AGTPBP1: variants seen among roughly 807,000 people sequenced by gnomAD.
AGTPBP1 encodes cytosolic carboxypeptidase 1.
In AGTPBP1, 70 loss-of-function variants were observed where a neutral mutation model predicts 143.9. The observed-to-expected ratio is 0.49, with a 90% CI of 0.40 to 0.59. The LOEUF is 0.59. Among genes scored for constraint, AGTPBP1 ranks in the 20% least tolerant of loss-of-function variants. The pLI is 0.00. For synonymous variants in AGTPBP1, 463 were observed against 500.2 expected (o/e 0.93, Z 0.99); for missense variants, 1,229 against 1,464.5 (o/e 0.84, Z 2.62).
At chr9:85,586,706 T>C in intron 22 of AGTPBP1, 125 bp downstream of exon 22, 1 of 1,188,278 alleles carries the variant, frequency 8.4e-7, no homozygotes, top group Non-Finnish European at 1.2e-6. Flanking sequence ...CATTCAACCT[T>C]ATAAAATTAA....
At position 85,741,924 on chromosome 9, in the gene AGTPBP1, T is replaced by A. The variant is rs1382610565; in HGVS notation, c.-183A>T. On this transcript the variant is annotated 5_prime_UTR_variant, in exon 1 of 26. Coordinates refer to ENST00000357081, the MANE Select transcript of AGTPBP1 (RefSeq NM_001330701.2). ...AGGCGGAGGCGGCGGCGGCGGCAGC[T>A]GCGGCGGCGGCGCTGGAGGCGGCGG... The A allele has an allele frequency of 7.6e-7, 1 of 1,311,442 alleles. No homozygotes were observed. The highest frequency in any genetic ancestry group is 9.7e-7 in the Non-Finnish European group (1 of 1,033,080). 81.2% of individuals were successfully genotyped at this position (1,311,442 alleles called of 1,614,324 possible).
intron 25 of AGTPBP1, among the ~76,000 whole-genome samples, chr9:85,569,358 G>A (rs1226329321): frequency 6.6e-6 from 1 of 151,704 alleles, no homozygotes; most frequent in Non-Finnish European, 1.5e-5. Flanking sequence ...GTTTCCAAGA[G>A]CAAGAAAAAG....
rs535468275 is a variant in AGTPBP1, at chr9:85,597,609, T to C, written c.2336-1160A>G. Among the ~76,000 whole-genome samples, 3 of 152,248 alleles carry C rather than the reference T, an allele frequency of 2.0e-5. No homozygotes were observed. The South Asian group carries it at 6.2e-4, about 32-fold the overall frequency. Reference sequence around the variant, plus strand: ...ACTGCTCTAACGTTTTTTACATGTATTAAGTAATTAAATCCTTACAACCAC... The same window carrying C: ...ACTGCTCTAACGTTTTTTACATGTACTAAGTAATTAAATCCTTACAACCAC... On this transcript the variant is annotated intron_variant, in intron 17 of 25. Coordinates refer to ENST00000357081, the MANE Select transcript of AGTPBP1 (RefSeq NM_001330701.2).
At position 85,655,157 on chromosome 9, in the gene AGTPBP1, C is replaced by T; in HGVS notation, c.1073G>A (p.Ser358Asn). The T allele has an allele frequency of 3.1e-6, 5 of 1,612,882 alleles. No individual in the cohort carries two copies. The highest frequency in any genetic ancestry group is 3.4e-6 in the Non-Finnish European group (4 of 1,179,350). Reference protein sequence around the residue: ...PVTGPVAQLYSLPPEVDDVVD... With the variant: ...PVTGPVAQLYNLPPEVDDVVD... ...TGTGATCCTACCTTCAGGAGGTAAG[C>T]TGTAGAGCTGAGCCACAGGACCAGT... Residue 358 changes from serine to asparagine, a missense_variant, in exon 11 of 26, where the codon AGC (serine) becomes AAC (asparagine). By Grantham distance (46) the Ser-to-Asn change is conservative (BLOSUM62 1). This residue lies in a region of AGTPBP1 where 743 missense variants were observed against 812.2 expected (regional missense o/e 0.91). Transcript: ENST00000357081.
At chr9:85,584,676 G>GA (rs1436938527) in intron 23 of AGTPBP1, among the ~76,000 whole-genome samples, 8 of 151,656 alleles carry the variant, frequency 5.3e-5, no homozygotes, top group Admixed American at 3.9e-4. Flanking sequence ...AATTTTTTCT[G>GA]AAAAAAAATC....
In AGTPBP1 at chr9:85,633,120, A is replaced by G; in HGVS notation, c.1557T>C (p.Thr519=). Residue 519 remains threonine, a synonymous_variant, in exon 14 of 26, where the codon ACT becomes ACC. Transcript: ENST00000357081. ...TGTTTAAACCATGGACTGATGAAAT[A>G]GTTCTATTTTGATCACCTGGCTGCT... is the stretch of plus-strand genomic sequence containing the variant. ...LQQQPGDQNR[T]ISSVHGLNND... is the part of the protein sequence containing the mutation. 6.2e-7 allele frequency: 1 copy of G among 1,614,130 alleles called. No individual in the cohort carries two copies. Among genetic ancestry groups the G allele is most frequent in the Non-Finnish European group, 8.5e-7 (1 of 1,180,000 alleles).
intron 8 of AGTPBP1, among the ~76,000 whole-genome samples, chr9:85,664,172 A>C (rs1372054718): frequency 6.6e-6 from 1 of 152,140 alleles, no homozygotes; most frequent in Non-Finnish European, 1.5e-5. Flanking sequence ...CAAAGGGGAG[A>C]AGCAAGGGAA....
chr9:85,656,312 A>C (rs898652569), intron 10 of AGTPBP1, among the ~76,000 whole-genome samples: 7 of 152,342 alleles, frequency 4.6e-5, no homozygotes, highest in African/African-American at 1.7e-4. Context: ...TGTCAAAACA[A>C]ATGAGAAATT....
In AGTPBP1 at chr9:85,621,239, T is replaced by C; in HGVS notation, c.2062A>G (p.Ile688Val). ...DIERLIHQSD[I>V]IDRVVYDLDN... is the part of the protein sequence containing the mutation. ...AAGTCATATACCACACGATCTATGA[T>C]ATCACTCTGATGTATTAGCCTTTCA... The change falls in exon 15 of 26, where the codon ATC (isoleucine) becomes GTC (valine). Residue 688 changes from isoleucine to valine, a missense_variant. Transcript: ENST00000357081. 7 of 1,471,330 alleles carry C rather than the reference T, an allele frequency of 4.8e-6. No individual in the cohort carries two copies. Among genetic ancestry groups the C allele is most frequent in the Non-Finnish European group, 6.3e-6 (7 of 1,117,788 alleles). The allele number at this position is 1,471,330 out of a possible 1,614,324, so 91.1% of individuals were successfully genotyped here.
chr9:85,691,098 T>G (rs557264890), intron 3 of AGTPBP1, among the ~76,000 whole-genome samples: 2 of 152,218 alleles, frequency 1.3e-5, no homozygotes, highest in Non-Finnish European at 2.9e-5. Flanking sequence ...TGAATATACC[T>G]GGCACATTTA....
chr9:85,565,487 T>G (rs941478718), intron 25 of AGTPBP1, among the ~76,000 whole-genome samples: 9 of 152,144 alleles, frequency 5.9e-5, no homozygotes, highest in Admixed American at 5.2e-4. Flanking sequence ...TACCTCAGTT[T>G]CACATTACGA....
the AGTPBP1 span, among the ~76,000 whole-genome samples, chr9:85,784,871 CTT>C: frequency 1.3e-5 from 2 of 152,180 alleles, no homozygotes; most frequent in African/African-American, 4.8e-5. Flanking sequence ...ACTGTTAACT[CTT>C]ATAGTTTTTC....
intron 14 of AGTPBP1, among the ~76,000 whole-genome samples, chr9:85,623,223 A>G (rs577699411): frequency 6.6e-6 from 1 of 152,246 alleles, no homozygotes; most frequent in East Asian, 1.9e-4. Flanking sequence ...AAGAAACACC[A>G]GAAACTTGGA....
At chr9:85,644,897 G>A (rs879651623) in intron 12 of AGTPBP1, among the ~76,000 whole-genome samples, 2 of 152,154 alleles carry the variant, frequency 1.3e-5, no homozygotes, top group Non-Finnish European at 2.9e-5. Flanking sequence ...AAGTCAATGA[G>A]AGTAAGAGGC....
the AGTPBP1 span, among the ~76,000 whole-genome samples, chr9:85,770,731 T>C: frequency 6.6e-6 from 1 of 152,154 alleles, no homozygotes; most frequent in Non-Finnish European, 1.5e-5. Context: ...TCAAAAGAAG[T>C]CCTTTTTGAA....
intron 2 of AGTPBP1, among the ~76,000 whole-genome samples, chr9:85,698,849 C>G (rs369751189): frequency 6.6e-6 from 1 of 151,716 alleles, no homozygotes; most frequent in African/African-American, 2.4e-5. Context: ...CCTGCAACCA[C>G]GCCCAGCTCA....
the AGTPBP1 span, among the ~76,000 whole-genome samples, chr9:85,795,650 G>A: frequency 6.6e-6 from 1 of 152,168 alleles, no homozygotes; most frequent in Non-Finnish European, 1.5e-5. Flanking sequence ...AGAGGGTACT[G>A]TGGGAGTATG....
intron 17 of AGTPBP1, among the ~76,000 whole-genome samples, chr9:85,597,804 GT>G (rs35442827): frequency 0.2 from 29,879 of 151,912 alleles, 3,867 homozygotes; most frequent in East Asian, 0.51. Context: ...ATGTTGACAG[GT>G]TTCCTATCGT....
intron 1 of AGTPBP1, among the ~76,000 whole-genome samples, chr9:85,728,517 CTTAAG>C (rs979175953): frequency 1.3e-5 from 2 of 152,152 alleles, no homozygotes; most frequent in South Asian, 2.1e-4. Context: ...TTTTCAACTT[CTTAAG>C]TTTTTTCTTA....
Sources: gnomAD v4.1 joint callset for allele counts (sites outside exome capture counted in the v4.1 genomes callset) on GRCh38, gnomAD v4.1.1 for gene constraint, gnomAD v4.1.1 regional missense constraint, MANE v1.5 for transcripts, NCBI Gene and HGNC (gene_info 2026-07-23, HGNC 2026-07-21) for gene names.